Variants in NAALADL2 observed in about 807,000 individuals in gnomAD.
The protein encoded by NAALADL2 is N-acetylated alpha-linked acidic dipeptidase like 2.
A neutral mutation model predicts 87.2 loss-of-function variants in NAALADL2; 76 were observed. The observed-to-expected ratio is 0.87, with a 90% CI of 0.72 to 1.05. The LOEUF is 1.05. Among genes scored for constraint, NAALADL2 ranks in the 50% least tolerant of loss-of-function variants. The pLI is 0.00. For synonymous variants in NAALADL2, 354 were observed against 331.0 expected, an observed-to-expected ratio of 1.07 and a Z score of -0.75; for missense variants, 1,089 against 945.8, an observed-to-expected ratio of 1.15 and a Z score of -1.99.
intron 6 of NAALADL2, among the ~76,000 whole-genome samples, chr3:175,449,015 T>A (rs569285772): frequency 6.6e-6 from 1 of 152,274 alleles, no homozygotes; most frequent in African/African-American, 2.4e-5. Context: ...CATAACTGGA[T>A]TAATTTTTTT....
At chr3:175,522,837 C>T (rs1418273146) in intron 9 of NAALADL2, among the ~76,000 whole-genome samples, 4 of 152,164 alleles carry the variant, frequency 2.6e-5, no homozygotes, top group African/African-American at 7.2e-5. Flanking sequence ...AGTCTTTTCT[C>T]TCATTTCAGT....
intron 4 of NAALADL2, among the ~76,000 whole-genome samples, chr3:175,314,413 G>C (rs1174016329): frequency 6.6e-6 from 1 of 150,570 alleles, no homozygotes; most frequent in Non-Finnish European, 1.5e-5. Context: ...TCTACTCTTA[G>C]ATAACAAAAC....
chr3:175,228,756 C>T (rs13096006), intron 2 of NAALADL2, among the ~76,000 whole-genome samples: 16 of 151,946 alleles, frequency 1.1e-4, no homozygotes, highest in African/African-American at 3.4e-4. Flanking sequence ...CCAACCTCTT[C>T]TAGAGAGTAG....
At chr3:175,588,814 A>G (rs1720954548) in intron 10 of NAALADL2, among the ~76,000 whole-genome samples, 1 of 152,098 alleles carries the variant, frequency 6.6e-6, no homozygotes, top group African/African-American at 2.4e-5. Flanking sequence ...CTGGGATTAT[A>G]GGCGTGAGCC....
chr3:174,821,224 T>A (rs1721381536), intron 3 of NAALADL2, among the ~76,000 whole-genome samples: 1 of 152,186 alleles, frequency 6.6e-6, no homozygotes, highest in South Asian at 2.1e-4. Context: ...CCTGGAATTT[T>A]AGGTATTAAG....
chr3:174,800,376 G>C (rs1718680556), intron 3 of NAALADL2, among the ~76,000 whole-genome samples: 1 of 152,166 alleles, frequency 6.6e-6, no homozygotes, highest in Admixed American at 6.6e-5. Context: ...TTGCTTTATA[G>C]GGTGGAAGCA....
chr3:175,347,729 C>T (rs1472065490), intron 5 of NAALADL2, among the ~76,000 whole-genome samples: 5 of 152,020 alleles, frequency 3.3e-5, no homozygotes, highest in Non-Finnish European at 7.4e-5. Context: ...TAGACAATAC[C>T]GATTTCTTTT....
chr3:174,833,697 G>A (rs1307109045), intron 3 of NAALADL2, among the ~76,000 whole-genome samples: 1 of 151,892 alleles, frequency 6.6e-6, no homozygotes, highest in Non-Finnish European at 1.5e-5. Context: ...ATATGAAAAA[G>A]GTGTGACATG....
intron 4 of NAALADL2, among the ~76,000 whole-genome samples, chr3:175,292,622 A>ACACACACACACC (rs1553850950): frequency 2.8e-5 from 4 of 142,952 alleles, no homozygotes; most frequent in South Asian, 2.1e-4. Flanking sequence ...ACACACACAC[A>ACACACACACACC]CCTGAGGGGA....
intron 1 of NAALADL2, among the ~76,000 whole-genome samples, chr3:175,069,452 G>C (rs11711593): frequency 0.16 from 22,079 of 139,812 alleles, 2,663 homozygotes; most frequent in African/African-American, 0.3. Context: ...CAAATCAAAA[G>C]CACAATGAGA....
chr3:174,462,448 A>G (rs530880959), intron 1 of NAALADL2, among the ~76,000 whole-genome samples: 1 of 152,268 alleles, frequency 6.6e-6, no homozygotes, highest in South Asian at 2.1e-4. Flanking sequence ...GCAATTCTCA[A>G]AATATATAAT....
At chr3:175,460,167 C>T (rs1275844242) in intron 6 of NAALADL2, 2 of 456,410 alleles carry the variant, frequency 4.4e-6, no homozygotes, top group Non-Finnish European at 8.8e-6. Flanking sequence ...GCAATGCCAA[C>T]AGCAGCAGGT....
intron 1 of NAALADL2, among the ~76,000 whole-genome samples, chr3:175,096,123 T>A (rs1721114486): frequency 1.3e-5 from 2 of 152,118 alleles, no homozygotes; most frequent in Non-Finnish European, 2.9e-5. Context: ...CCAATTCATG[T>A]CACTAATTTC....
At chr3:174,767,237 A>G (rs1713927015) in intron 3 of NAALADL2, among the ~76,000 whole-genome samples, 1 of 152,218 alleles carries the variant, frequency 6.6e-6, no homozygotes, top group South Asian at 2.1e-4. Flanking sequence ...TCGATTTAAT[A>G]ATAAATGATA....
In NAALADL2 at chr3:175,271,327, T is replaced by TA. The variant is rs997332820; in HGVS notation, c.939+14805dup. 2.6e-5 allele frequency among the ~76,000 whole-genome samples: 4 copies of TA among 152,176 alleles called. No individual in the cohort carries two copies. In the South Asian group the frequency reaches 6.2e-4, roughly 24 times the overall value. ...GATAGAATAAATTTAGAAATAGATT[T>TA]AAAAAAAATTGATGGATTAGGAAAA... On this transcript the variant is annotated intron_variant, in intron 4 of 13. Transcript: ENST00000454872.
intron 3 of NAALADL2, among the ~76,000 whole-genome samples, chr3:174,817,246 G>A (rs1471858847): frequency 2.6e-5 from 4 of 152,100 alleles, no homozygotes; most frequent in Admixed American, 6.6e-5. Flanking sequence ...TTTGTTTTAG[G>A]GTACTTGGCA....
intron 5 of NAALADL2, among the ~76,000 whole-genome samples, chr3:175,439,469 A>G: frequency 6.6e-6 from 1 of 151,278 alleles, no homozygotes. Context: ...ACAGCGTACA[A>G]GGGTTCCCTT....
At chr3:174,639,186 G>A (rs7643541) in intron 2 of NAALADL2, among the ~76,000 whole-genome samples, 76,396 of 151,966 alleles carry the variant, frequency 0.5, 19,733 homozygotes, top group Middle Eastern at 0.65. Context: ...AAGAATTTCT[G>A]TTATTTTCTG....
intron 2 of NAALADL2, among the ~76,000 whole-genome samples, chr3:174,693,582 A>G (rs966461927): frequency 9.2e-5 from 14 of 152,304 alleles, no homozygotes; most frequent in African/African-American, 3.4e-4. Flanking sequence ...TTTGTAACAT[A>G]TCTTTGAATT....
Sources: allele counts gnomAD v4.1 joint callset (sites outside exome capture counted in the v4.1 genomes callset), GRCh38; gene constraint gnomAD v4.1.1; transcripts MANE v1.5; gene names NCBI Gene and HGNC (gene_info 2026-07-23, HGNC 2026-07-21).